Variants in GFRA2 observed in about 807,000 individuals in gnomAD.
GFRA2 encodes GDNF family receptor alpha 2.
A neutral mutation model predicts 48.3 loss-of-function variants in GFRA2; 17 were observed. That is an observed-to-expected ratio of 0.35 (90% confidence interval 0.24 to 0.53). The LOEUF (loss-of-function observed/expected upper bound fraction) is 0.53, where lower values mean the gene tolerates loss of function less well. Ranked by LOEUF, GFRA2 falls within the 20% of genes least tolerant of loss-of-function variation. The pLI, the probability that GFRA2 is intolerant of heterozygous loss-of-function variation, is 0.93. For missense variants in GFRA2, 660 were observed against 637.3 expected (o/e 1.04, Z -0.38); for synonymous variants, 305 against 257.2 (o/e 1.19, Z -1.78).
chr8:21,705,854 A>T, intron 5 of GFRA2, 78 bp downstream of exon 5: 1 of 938,982 alleles, frequency 1.1e-6, no homozygotes, highest in Non-Finnish European at 1.6e-6. Flanking sequence ...GCTGGCCCTG[A>T]GCTGGGCTGC....
intron 4 of GFRA2, among the ~76,000 whole-genome samples, chr8:21,724,510 G>C (rs1803762645): frequency 1.3e-5 from 2 of 152,090 alleles, no homozygotes; most frequent in Admixed American, 1.3e-4. Flanking sequence ...TGCAGTACTA[G>C]GTCTGCAAGT....
chr8:21,779,764 T>C (rs1806883966), intron 2 of GFRA2: 1 of 152,204 alleles, frequency 6.6e-6, no homozygotes, highest in Admixed American at 6.5e-5. Flanking sequence ...AGTAATTATA[T>C]GCATTTCTTA....
At chr8:21,695,560 T>C (rs1053868507) in intron 7 of GFRA2, among the ~76,000 whole-genome samples, 1 of 152,028 alleles carries the variant, frequency 6.6e-6, no homozygotes, top group African/African-American at 2.4e-5. Flanking sequence ...AGGACCACGG[T>C]GATGATTAGC....
chr8:21,704,493 A>G (rs2117364654), intron 6 of GFRA2, among the ~76,000 whole-genome samples: 1 of 152,206 alleles, frequency 6.6e-6, no homozygotes, highest in East Asian at 1.9e-4. Context: ...AGGGAAGGAA[A>G]GAGGGAAGAA....
At position 21,750,755 on chromosome 8, in the gene GFRA2, G is replaced by C; in HGVS notation, c.627C>G (p.Asp209Glu). The C allele has an allele frequency of 6.2e-7, 1 of 1,614,020 alleles. No individual in the cohort carries two copies. The highest frequency in any genetic ancestry group is 1.3e-5 in the African/African-American group (1 of 75,072). The change falls in exon 4 of 9, where the codon GAC becomes GAG. Residue 209 changes from aspartate to glutamate, a missense_variant. Physicochemically the swap from Asp to Glu is conservative, Grantham distance 45. Coordinates refer to ENST00000524240, the MANE Select transcript of GFRA2 (RefSeq NM_001495.5). This position sits in a 1 kb window ranked among gnomAD's most constrained non-coding sequence, Gnocchi z 5.7. ...KCHKALRQFF[D>E]RVPSEYTYRM... Reference sequence around the variant, plus strand: ...GGTAGGTGTACTCGCTGGGCACCCGGTCGAAGAACTGGCGCAGGGCCTTGT... The same window carrying C: ...GGTAGGTGTACTCGCTGGGCACCCGCTCGAAGAACTGGCGCAGGGCCTTGT...
intron 4 of GFRA2, among the ~76,000 whole-genome samples, chr8:21,715,544 T>C (rs1010143608): frequency 2.0e-5 from 3 of 152,294 alleles, no homozygotes; most frequent in Middle Eastern, 3.4e-3. Flanking sequence ...TCTGACCTCA[T>C]GATCCACCTG....
chr8:21,751,379 G>A (rs1805287609), intron 3 of GFRA2, among the ~76,000 whole-genome samples: 1 of 152,220 alleles, frequency 6.6e-6, no homozygotes, highest in Non-Finnish European at 1.5e-5. Context: ...TGCTCATGAT[G>A]GGATTGTCAG....
intron 4 of GFRA2, among the ~76,000 whole-genome samples, chr8:21,736,141 G>C (rs1024318718): frequency 6.6e-6 from 1 of 152,346 alleles, no homozygotes; most frequent in African/African-American, 2.4e-5. Flanking sequence ...GCACATGGCT[G>C]TTCCCTACCA....
upstream of GFRA2, among the ~76,000 whole-genome samples, chr8:21,791,364 G>C (rs1012980974): frequency 2.0e-5 from 3 of 152,058 alleles, no homozygotes; most frequent in Non-Finnish European, 2.9e-5. Context: ...ACACCAATCA[G>C]TCACCACCAG....
chr8:21,760,535 G>C (rs1273082770), intron 3 of GFRA2, among the ~76,000 whole-genome samples: 15 of 152,228 alleles, frequency 9.9e-5, no homozygotes, highest in Admixed American at 9.8e-4. Flanking sequence ...AAAAAGGAAA[G>C]ACTTGGAAGG....
chr8:21,760,316 C>T (rs1293117720), intron 3 of GFRA2, among the ~76,000 whole-genome samples: 1 of 152,140 alleles, frequency 6.6e-6, no homozygotes, highest in Non-Finnish European at 1.5e-5. Flanking sequence ...AAAAGGAGAC[C>T]AGTCACAGGC....
intron 1 of GFRA2, among the ~76,000 whole-genome samples, chr8:21,783,457 G>A (rs1336264224): frequency 2.0e-5 from 3 of 152,116 alleles, no homozygotes; most frequent in Non-Finnish European, 4.4e-5. Context: ...TAGGGAAACT[G>A]AGGCCCAAAG....
chr8:21,710,137 C>T (rs891261368), intron 4 of GFRA2, among the ~76,000 whole-genome samples: 1 of 152,188 alleles, frequency 6.6e-6, no homozygotes, highest in Non-Finnish European at 1.5e-5. Flanking sequence ...ATCTCTCACT[C>T]GCTGTCTGTG....
At position 21,750,107 on chromosome 8, in the gene GFRA2, A is replaced by G. The variant is rs28604408; in HGVS notation, c.794+481T>C. 1.7e-4 allele frequency among the ~76,000 whole-genome samples: 25 copies of G among 150,646 alleles called. No homozygotes were observed. Among genetic ancestry groups the G allele is most frequent in the Admixed American group, 3.9e-4 (6 of 15,196 alleles). On this transcript the variant is annotated intron_variant, in intron 4 of 8. Coordinates refer to ENST00000524240, the MANE Select transcript of GFRA2 (RefSeq NM_001495.5). The surrounding 1 kb of genome is among the most constrained non-coding windows in gnomAD (Gnocchi z 5.7). ...TGTGTATACACACACACACACACAC[A>G]CACGCACATATATAGGTAGAGACTG...
chr8:21,774,920 T>C, intron 3 of GFRA2, 52 bp downstream of exon 3: 2 of 984,894 alleles, frequency 2.0e-6, no homozygotes, highest in Non-Finnish European at 3.3e-6. Flanking sequence ...CCATCTGCCA[T>C]GCCACAGGGA....
At position 21,788,214 on chromosome 8, in the gene GFRA2, T is replaced by C; in HGVS notation, c.-55A>G. ...TTCTCCCTTGGGTAAAAAAAAATAA[T>C]AGTAGTAACAACAACAATAATAATA... On this transcript the variant is annotated 5_prime_UTR_variant, in exon 1 of 9. Transcript: ENST00000524240. 2 of 1,588,742 alleles carry C rather than the reference T, an allele frequency of 1.3e-6. No individual in the cohort carries two copies. Among genetic ancestry groups the C allele is most frequent in the Non-Finnish European group, 1.7e-6 (2 of 1,168,592 alleles).
At chr8:21,739,455 C>T (rs1804644312) in intron 4 of GFRA2, among the ~76,000 whole-genome samples, 1 of 152,178 alleles carries the variant, frequency 6.6e-6, no homozygotes, top group Non-Finnish European at 1.5e-5. Context: ...AGTGTAACTC[C>T]TAATCCAGGA....
At chr8:21,790,611 G>A (rs1245957319), upstream of GFRA2, among the ~76,000 whole-genome samples, 1 of 152,142 alleles carries the variant, frequency 6.6e-6, no homozygotes, top group Admixed American at 6.5e-5. Flanking sequence ...GTCCGTCCTG[G>A]GGCATCGACC....
chr8:21,788,087 TC>T, intron 1 of GFRA2, 32 bp downstream of exon 1: 1 of 463,462 alleles, frequency 2.2e-6, no homozygotes, highest in South Asian at 3.2e-5. Flanking sequence ...GCTTCTCGCC[TC>T]CCCCTCGAGC....
Sources: allele counts gnomAD v4.1 joint callset (sites outside exome capture counted in the v4.1 genomes callset), GRCh38; gene constraint gnomAD v4.1.1; non-coding constraint Gnocchi (gnomAD v3.1); transcripts MANE v1.5; gene names NCBI Gene and HGNC (gene_info 2026-07-23, HGNC 2026-07-21).